The following RBCK1 variants were observed in gnomAD, a reference collection of about 807,000 sequenced individuals.
RBCK1 encodes the protein RANBP2-type and C3HC4-type zinc finger containing 1, also known as ranBP-type and C3HC4-type zinc finger-containing protein 1.
In RBCK1, 44 loss-of-function variants were observed where a neutral mutation model predicts 71.1. That is an observed-to-expected ratio of 0.62 (90% CI 0.49 to 0.80). The LOEUF (loss-of-function observed/expected upper bound fraction) is 0.80. Among genes scored for constraint, RBCK1 ranks in the 30% least tolerant of loss-of-function variants. The pLI, the probability that RBCK1 is intolerant of heterozygous loss-of-function variation, is 0.00. For missense variants in RBCK1, 569 were observed against 685.0 expected, an observed-to-expected ratio of 0.83 and a Z score of 1.89; for synonymous variants, 306 against 279.7, an observed-to-expected ratio of 1.09 and a Z score of -0.94.
chr20:413,860 A>C (rs2015841427), intron 2 of RBCK1, among the ~76,000 whole-genome samples: 1 of 151,960 alleles, frequency 6.6e-6, no homozygotes, highest in Non-Finnish European at 1.5e-5. Context: ...TGAGCGCTGA[A>C]AGAGTTGTTT....
intron 1 of RBCK1, among the ~76,000 whole-genome samples, chr20:409,008 G>A (rs148082482): frequency 6.6e-6 from 1 of 152,234 alleles, no homozygotes; most frequent in Non-Finnish European, 1.5e-5. Context: ...TAGGGGACTC[G>A]CAGAGGACAC....
At position 427,613 on chromosome 20, in the gene RBCK1, A is replaced by G. The variant is rs2016802466; in HGVS notation, c.1209+121A>G. The G allele has an allele frequency of 3.7e-6, 4 of 1,088,382 alleles. 1 individual carries two copies. Among genetic ancestry groups the G allele is most frequent in the South Asian group, 3.0e-5 (2 of 67,790 alleles). 67.4% of individuals were successfully genotyped at this position (1,088,382 alleles called of 1,614,324 possible). ...CACTGGCCTGCTGGTCATGACTTAG[A>G]GCTACATGTCAGTGGGAGAGTGTGG... On this transcript the variant is annotated intron_variant, in intron 9 of 11. Coordinates refer to ENST00000356286, the MANE Select transcript of RBCK1 (RefSeq NM_031229.4).
At position 428,745 on chromosome 20, in the gene RBCK1, A is replaced by G; in HGVS notation, c.1308+156A>G. 7.2e-7 allele frequency: 1 copy of G among 1,396,414 alleles called. No homozygotes were observed. Among genetic ancestry groups the G allele is most frequent in the Non-Finnish European group, 9.5e-7 (1 of 1,054,676 alleles). The allele number at this position is 1,396,414 out of a possible 1,614,324, so 86.5% of individuals were successfully genotyped here. A position where few individuals can be genotyped will look rare whatever the true frequency, so the allele number is the denominator to read the frequency against. On this transcript the variant is annotated intron_variant, in intron 10 of 11. Coordinates refer to ENST00000356286, the MANE Select transcript of RBCK1 (RefSeq NM_031229.4). The surrounding 1 kb of genome is among the most constrained non-coding windows in gnomAD (Gnocchi z 5.7). ...CATCCGGAGGTGGGACTTAGGCCGA[A>G]TGGTCATGTCAGGAAGAGCGTCTGG...
intron 8 of RBCK1, 70 bp from the exon 9 acceptor site, chr20:427,243 T>C: frequency 6.7e-7 from 1 of 1,488,278 alleles, no homozygotes; most frequent in East Asian, 2.3e-5. Context: ...TTCTGGAGGG[T>C]ATTTAGTGGT....
In RBCK1 at chr20:408,399, G is replaced by A. The variant is rs1030901270; in HGVS notation, c.-359G>A. 1.2e-5 allele frequency: 5 copies of A among 422,236 alleles called. No homozygotes were observed. The highest frequency in any genetic ancestry group is 4.4e-5 in the Admixed American group (1 of 22,708). The allele number at this position is 422,236 out of a possible 1,614,324, so 26.2% of individuals were successfully genotyped here. A position where few individuals can be genotyped will look rare whatever the true frequency, so the allele number is the denominator to read the frequency against. ...CCTTGAAACCCGGGACGCCAGGGGC[G>A]CTCCCGCAAGTGGGGGTCCTCCGGG... On this transcript the variant is annotated 5_prime_UTR_variant, in exon 1 of 12. Coordinates refer to ENST00000356286, the MANE Select transcript of RBCK1 (RefSeq NM_031229.4).
At chr20:414,096 A>AG (rs1490034427) in intron 2 of RBCK1, among the ~76,000 whole-genome samples, 1 of 151,836 alleles carries the variant, frequency 6.6e-6, no homozygotes, top group Non-Finnish European at 1.5e-5. Context: ...TCATACAAAA[A>AG]AAAAAAAGAA....
In RBCK1 at chr20:430,608, C is replaced by G. The variant is rs973417226; in HGVS notation, c.*178C>G. The stretch of plus-strand genomic sequence containing the variant: ...CCTTTGTCCTTCCCTTGGGGCTTGC[C>G]GGCCAGACTTCTCTCCCCTGCGGCT... On this transcript the variant is annotated 3_prime_UTR_variant, in exon 12 of 12. Coordinates refer to ENST00000356286, the MANE Select transcript of RBCK1 (RefSeq NM_031229.4). This position sits in a 1 kb window ranked among gnomAD's most constrained non-coding sequence, Gnocchi z 5.6. The G allele has an allele frequency of 3.1e-5, 20 of 645,646 alleles. No individual in the cohort carries two copies. Among genetic ancestry groups the G allele is most frequent in the Non-Finnish European group, 4.6e-5 (17 of 369,218 alleles). 40.0% of individuals were successfully genotyped at this position (645,646 alleles called of 1,614,324 possible).
chr20:420,265 G>T (rs549598957), intron 6 of RBCK1: 75 of 977,808 alleles, frequency 7.7e-5, no homozygotes, highest in Non-Finnish European at 9.1e-5. Context: ...CCCCGACCCC[G>T]GTCCTACGCC....
In RBCK1 at chr20:420,807, C is replaced by A. The variant is rs1193190651; in HGVS notation, c.757-64C>A. Reference sequence around the variant, plus strand: ...CTGACCACGCCCCCTGGCCCTTCCCCCTTCGGGGTCTGACCCGCCCCCGAG... The same window carrying A: ...CTGACCACGCCCCCTGGCCCTTCCCACTTCGGGGTCTGACCCGCCCCCGAG... On this transcript the variant is annotated intron_variant, in intron 6 of 11. Coordinates refer to ENST00000356286, the MANE Select transcript of RBCK1 (RefSeq NM_031229.4). The A allele has an allele frequency of 4.8e-6, 7 of 1,471,202 alleles. No homozygotes were observed. The East Asian group carries it at 1.8e-4, about 37-fold the overall frequency. 91.1% of individuals were successfully genotyped at this position (1,471,202 alleles called of 1,614,324 possible).
Position 430,649 on chromosome 20 carries a change from C to T in RBCK1, c.*219C>T, listed in dbSNP as rs2016973680. On this transcript the variant is annotated 3_prime_UTR_variant, in exon 12 of 12. Transcript: ENST00000356286. The surrounding 1 kb of genome is among the most constrained non-coding windows in gnomAD (Gnocchi z 5.6). Reference sequence around the variant, plus strand: ...CCCTGCGGCTCCCACCTCTGCCTGACCCCAGCCTTAAACATAGCCCCTGGC... The same window carrying T: ...CCCTGCGGCTCCCACCTCTGCCTGATCCCAGCCTTAAACATAGCCCCTGGC... The T allele has an allele frequency of 3.4e-6, 2 of 591,666 alleles. No individual in the cohort carries two copies. Among genetic ancestry groups the T allele is most frequent in the Admixed American group, 5.8e-5 (2 of 34,572 alleles). 36.7% of individuals were successfully genotyped at this position (591,666 alleles called of 1,614,324 possible). A position where few individuals can be genotyped will look rare whatever the true frequency, so the allele number is the denominator to read the frequency against.
chr20:421,796 A>G (rs2295493), intron 7 of RBCK1: 23,845 of 300,250 alleles, frequency 0.079, 1,398 homozygotes, highest in African/African-American at 0.2. Flanking sequence ...TGTTCTGGGT[A>G]GGATGGGAGT....
intron 9 of RBCK1, among the ~76,000 whole-genome samples, chr20:427,745 G>A (rs1300444654): frequency 6.6e-6 from 1 of 152,050 alleles, no homozygotes; most frequent in Non-Finnish European, 1.5e-5. Flanking sequence ...CCCGACCCTG[G>A]GCCAGTCTGA....
rs867440673 is a variant in RBCK1, at chr20:419,697, C to T, written c.722C>T (p.Ala241Val). The change falls in exon 6 of 12, where the codon GCG (alanine) becomes GTG (valine). Residue 241 changes from alanine (A) to valine (V), a missense_variant. This residue lies in a region of RBCK1 where 358 missense variants were observed against 375.6 expected (regional missense o/e 0.95). Transcript: ENST00000356286. ...GACGAGGAGGAGCGAGCGCGCCTGG[C>T]GGGCGAGGAGGAGGCGCTGCGTCAG... is the stretch of plus-strand genomic sequence containing the variant. ...QPDEEERARL[A>V]GEEEALRQYQ... The T allele has an allele frequency of 5.7e-6, 9 of 1,572,306 alleles. No individual in the cohort carries two copies. Among genetic ancestry groups the T allele is most frequent in the Admixed American group, 3.6e-5 (2 of 55,184 alleles).
At chr20:419,889 A>C (rs1223965279) in intron 6 of RBCK1, 158 bp downstream of exon 6, 1 of 576,096 alleles carries the variant, frequency 1.7e-6, no homozygotes, top group Non-Finnish European at 2.3e-6. Context: ...GTGACCCTGC[A>C]CCTGGCTGTG....
At position 422,246 on chromosome 20, in the gene RBCK1, C is replaced by T. The variant is rs769421493; in HGVS notation, c.1029+8C>T. On this transcript the variant is annotated splice_region_variant and intron_variant, in intron 8 of 11. Coordinates refer to ENST00000356286, the MANE Select transcript of RBCK1 (RefSeq NM_031229.4). This position sits in a 1 kb window ranked among gnomAD's most constrained non-coding sequence, Gnocchi z 5.0. ...GAGAGGGAGATCAAGGCGGTAAGGC[C>T]TCAGGGTGGGAGACATACCCCAAGT... The T allele has an allele frequency of 4.3e-6, 7 of 1,612,416 alleles. No individual in the cohort carries two copies. In the Admixed American group the frequency reaches 1.2e-4, roughly 27 times the overall value.
rs538934053 is a variant in RBCK1, at chr20:416,018, C to G, written c.168-1508C>G. On this transcript the variant is annotated intron_variant, in intron 2 of 11. Coordinates refer to ENST00000356286, the MANE Select transcript of RBCK1 (RefSeq NM_031229.4). ...CCAAACACCTCCCACCAGGCCTCAC[C>G]TTCAACACTGAGGATTACAGTTCAA... is the stretch of plus-strand genomic sequence containing the variant. Among the ~76,000 whole-genome samples the G allele has an allele frequency of 2.0e-5, 3 of 152,296 alleles. No homozygotes were observed. The South Asian group carries it at 6.2e-4, about 32-fold the overall frequency.
chr20:420,750 C>T, intron 6 of RBCK1, 121 bp from the exon 7 acceptor site: 1 of 307,286 alleles, frequency 3.3e-6, no homozygotes, highest in Non-Finnish European at 5.3e-6. Flanking sequence ...CTACTGGCTC[C>T]CAGCTTTGCC....
chr20:420,900 C>T lies in RBCK1; in HGVS notation c.786C>T (p.Tyr262=). Residue 262 remains tyrosine, a synonymous_variant, in exon 7 of 12, where the codon TAC becomes TAT. Coordinates refer to ENST00000356286, the MANE Select transcript of RBCK1 (RefSeq NM_031229.4). The part of the protein sequence containing the change: ...QRKQQQQEGN[Y]LQHVQLDQRS... Reference sequence around the variant, plus strand: ...AGCAGCAGCAGCAGGAGGGGAACTACCTGCAGCACGTCCAGCTGGACCAGA... The same window carrying T: ...AGCAGCAGCAGCAGGAGGGGAACTATCTGCAGCACGTCCAGCTGGACCAGA... 5 of 1,554,954 alleles carry T rather than the reference C, an allele frequency of 3.2e-6. No individual in the cohort carries two copies. The highest frequency in any genetic ancestry group is 4.3e-6 in the Non-Finnish European group (5 of 1,151,514).
Position 419,602 on chromosome 20 carries a change from G to A in RBCK1, c.627G>A (p.Thr209=). 1 of 1,600,156 alleles carries A rather than the reference G, an allele frequency of 6.2e-7. No homozygotes were observed. Among genetic ancestry groups the A allele is most frequent in the Non-Finnish European group, 8.5e-7 (1 of 1,174,202 alleles). Residue 209 remains threonine, a synonymous_variant, in exon 6 of 12, where the codon ACG becomes ACA. Coordinates refer to ENST00000356286, the MANE Select transcript of RBCK1 (RefSeq NM_031229.4). ...GGTGCACCTTCATCAACAAGCCCAC[G>A]CGGCCTGGCTGTGAGATGTGCTGCC... is the stretch of plus-strand genomic sequence containing the variant. The part of the protein sequence containing the change: ...CPGCTFINKP[T]RPGCEMCCRA...
Sources: gnomAD v4.1 joint callset for allele counts (sites outside exome capture counted in the v4.1 genomes callset) on GRCh38, gnomAD v4.1.1 for gene constraint, gnomAD v4.1.1 regional missense constraint, Gnocchi (gnomAD v3.1) non-coding constraint, MANE v1.5 for transcripts, NCBI Gene and HGNC (gene_info 2026-07-23, HGNC 2026-07-21) for gene names.